C1orf141: variants seen among roughly 807,000 people sequenced by gnomAD.
C1orf141 encodes chromosome 1 open reading frame 141.
A neutral mutation model predicts 23.2 loss-of-function variants in C1orf141; 19 were observed. The ratio of observed to expected loss-of-function variants is 0.82; its 90% confidence interval spans 0.57 to 1.20. The LOEUF is 1.20. Ranked by LOEUF, C1orf141 falls within the 50% of genes most tolerant of loss-of-function variation. The pLI is 0.00. For synonymous variants in C1orf141, 153 were observed against 154.6 expected, an observed-to-expected ratio of 0.99 and a Z score of 0.08; for missense variants, 469 against 455.1, an observed-to-expected ratio of 1.03 and a Z score of -0.28.
chr1:67,108,251 G>A (rs1645978473), intron 5 of C1orf141, among the ~76,000 whole-genome samples: 1 of 152,126 alleles, frequency 6.6e-6, no homozygotes, highest in African/African-American at 2.4e-5. Context: ...AGCAGATTTA[G>A]TGTTTAGTAA....
At chr1:67,095,699 G>A in intron 6 of C1orf141, 1 of 282,838 alleles carries the variant, frequency 3.5e-6, no homozygotes, top group Non-Finnish European at 6.5e-6. Flanking sequence ...ACCAAAGGTA[G>A]AGAGGTATTT....
chr1:67,101,827 T>C (rs1033539644), intron 5 of C1orf141, among the ~76,000 whole-genome samples: 5 of 152,102 alleles, frequency 3.3e-5, no homozygotes, highest in South Asian at 2.1e-4. Flanking sequence ...CTTAAGAACT[T>C]TTCTAAAGGG....
Position 67,093,112 on chromosome 1 carries a change from G to C in C1orf141, c.1096C>G (p.Pro366Ala), listed in dbSNP as rs775520862. ...PTSIPTSSAL[P>A]VKCYSKPFKY... ...AAAGGCTTTGAGTAACATTTGACAG[G>C]TAAGGCACTGGATGTGGGTATGCTC... is the stretch of plus-strand genomic sequence containing the variant. Residue 366 changes from proline (P) to alanine (A), a missense_variant, in exon 8 of 8, where the codon CCT becomes GCT. Transcript: ENST00000684719. 6.2e-7 allele frequency: 1 copy of C among 1,613,796 alleles called. No homozygotes were observed. Among genetic ancestry groups the C allele is most frequent in the Non-Finnish European group, 8.5e-7 (1 of 1,179,750 alleles).
At chr1:67,115,526 AAAAT>A (rs1646176429) in intron 4 of C1orf141, 62 bp from the exon 5 acceptor site, 4 of 704,818 alleles carry the variant, frequency 5.7e-6, no homozygotes, top group Non-Finnish European at 9.3e-6. Flanking sequence ...ATAAATCTAA[AAAAT>A]AAATTTGGAG....
intron 2 of C1orf141, among the ~76,000 whole-genome samples, chr1:67,128,475 G>T (rs1363195236): frequency 6.6e-6 from 1 of 151,902 alleles, no homozygotes; most frequent in Non-Finnish European, 1.5e-5. Flanking sequence ...AGGCCGAGGC[G>T]GGCAGATCAC....
intron 4 of C1orf141, among the ~76,000 whole-genome samples, chr1:67,125,059 A>C (rs547307376): frequency 6.6e-6 from 1 of 152,348 alleles, no homozygotes; most frequent in South Asian, 2.1e-4. Context: ...TGAAAGACCA[A>C]GTATGACATA....
intron 7 of C1orf141, 179 bp from the exon 8 acceptor site, chr1:67,093,783 A>G: frequency 2.5e-6 from 1 of 402,290 alleles, no homozygotes; most frequent in South Asian, 7.5e-5. Flanking sequence ...TGTAACATAC[A>G]TCCTTCTTAT....
intron 2 of C1orf141, 152 bp from the exon 3 acceptor site, chr1:67,127,409 T>C (rs921014125): frequency 1.8e-6 from 1 of 559,800 alleles, no homozygotes; most frequent in Admixed American, 3.5e-5. Flanking sequence ...ATTGTAAATG[T>C]ACCCAAGTTT....
intron 4 of C1orf141, among the ~76,000 whole-genome samples, chr1:67,124,831 G>A (rs1204945372): frequency 6.6e-6 from 1 of 151,450 alleles, no homozygotes; most frequent in African/African-American, 2.4e-5. Flanking sequence ...TGGCAACTGG[G>A]TGCACAGTAG....
chr1:67,119,143 A>T (rs942892981), intron 4 of C1orf141, among the ~76,000 whole-genome samples: 2 of 152,230 alleles, frequency 1.3e-5, no homozygotes, highest in African/African-American at 2.4e-5. Context: ...TGAGGGCTTA[A>T]AAAGAAAAGA....
intron 4 of C1orf141, chr1:67,121,505 G>A (rs931026906): frequency 6.6e-6 from 1 of 152,168 alleles, no homozygotes; most frequent in Non-Finnish European, 1.5e-5. Flanking sequence ...GAGATGTGTA[G>A]TAGCATACTG....
At position 67,118,138 on chromosome 1, in the gene C1orf141, G is replaced by A. The variant is rs867085120; in HGVS notation, c.234-2674C>T. The stretch of plus-strand genomic sequence containing the variant: ...ATTTTGTTAAAATAAGTTGTTGAGT[G>A]GCAATTATTCCGTTGCCTTAGAATT... On this transcript the variant is annotated intron_variant, in intron 4 of 7. Coordinates refer to ENST00000684719, the MANE Select transcript of C1orf141 (RefSeq NM_001276351.2). 1.3e-4 allele frequency among the ~76,000 whole-genome samples: 20 copies of A among 152,208 alleles called. 1 individual carries two copies. In the South Asian group the frequency reaches 4.2e-3, roughly 32 times the overall value.
At chr1:67,127,067 AT>A in intron 3 of C1orf141, 98 bp downstream of exon 3, 1 of 713,620 alleles carries the variant, frequency 1.4e-6, no homozygotes, top group South Asian at 2.4e-5. Flanking sequence ...ATTAGTTTAT[AT>A]CATATTAATG....
Position 67,092,976 on chromosome 1 carries a change from T to C in C1orf141, c.*29A>G. On this transcript the variant is annotated 3_prime_UTR_variant, in exon 8 of 8. Transcript: ENST00000684719. ...TGGAACTTGGATATTTGCTTCTTGT[T>C]ACTCAAATATTGCTGCATACATAAT... 1 of 1,505,208 alleles carries C rather than the reference T, an allele frequency of 6.6e-7. No individual in the cohort carries two copies. Among genetic ancestry groups the C allele is most frequent in the South Asian group, 1.3e-5 (1 of 79,046 alleles). The allele number at this position is 1,505,208 out of a possible 1,614,324, so 93.2% of individuals were successfully genotyped here.
At chr1:67,106,722 T>G (rs1645936804) in intron 5 of C1orf141, among the ~76,000 whole-genome samples, 1 of 151,892 alleles carries the variant, frequency 6.6e-6, no homozygotes, top group Admixed American at 6.6e-5. Flanking sequence ...AAAAGTAAAA[T>G]ATGTTCAAAG....
intron 5 of C1orf141, among the ~76,000 whole-genome samples, chr1:67,101,741 T>C (rs1451917428): frequency 1.3e-5 from 2 of 152,134 alleles, no homozygotes; most frequent in Non-Finnish European, 2.9e-5. Flanking sequence ...ACTGAACTTG[T>C]ATTTATGTTG....
At position 67,096,267 on chromosome 1, in the gene C1orf141, C is replaced by A. The variant is rs1645677992; in HGVS notation, c.401G>T (p.Gly134Val). 2 of 1,498,226 alleles carry A rather than the reference C, an allele frequency of 1.3e-6. No individual in the cohort carries two copies. The highest frequency in any genetic ancestry group is 9.1e-7 in the Non-Finnish European group (1 of 1,098,032). 92.8% of individuals were successfully genotyped at this position (1,498,226 alleles called of 1,614,324 possible). Residue 134 changes from glycine to valine, a missense_variant, in exon 6 of 8, where the codon GGT (glycine) becomes GTT (valine). Gly to Val is a moderately radical substitution (Grantham distance 109). Coordinates refer to ENST00000684719, the MANE Select transcript of C1orf141 (RefSeq NM_001276351.2). ...KPLDSVGLLEGDRNKRKKSPQ... is the reference protein window; with the variant it reads ...KPLDSVGLLEVDRNKRKKSPQ... ...AATAAATTACCTTTTATTTCTATCACCTTCTAAGAGACCAACAGAATCCAA... is the reference window on the plus strand; with the variant it reads ...AATAAATTACCTTTTATTTCTATCAACTTCTAAGAGACCAACAGAATCCAA...
Position 67,095,233 on chromosome 1 carries a change from AC to A in C1orf141, c.603+1del. The A allele has an allele frequency of 1.3e-6, 2 of 1,514,758 alleles. No homozygotes were observed. Among genetic ancestry groups the A allele is most frequent in the Non-Finnish European group, 1.8e-6 (2 of 1,106,636 alleles). 93.8% of individuals were successfully genotyped at this position (1,514,758 alleles called of 1,614,324 possible). A position where few individuals can be genotyped will look rare whatever the true frequency, so the allele number is the denominator to read the frequency against. On this transcript the variant is annotated splice_donor_variant, in intron 7 of 7. Transcript: ENST00000684719. LOFTEE classifies it high-confidence loss of function. ...CTTAACAATAGATGATATGCTTATTACCATGTGAGAAGTTACTGTCTTTGTT... is the reference window on the plus strand; with the variant it reads ...CTTAACAATAGATGATATGCTTATTACATGTGAGAAGTTACTGTCTTTGTT...
At chr1:67,122,608 T>G (rs549212734) in intron 4 of C1orf141, 8 of 152,172 alleles carry the variant, frequency 5.3e-5, no homozygotes, top group Non-Finnish European at 8.8e-5. Flanking sequence ...TTTGACTGCT[T>G]CCTCAAATTT....
Sources: allele counts gnomAD v4.1 joint callset (sites outside exome capture counted in the v4.1 genomes callset), GRCh38; gene constraint gnomAD v4.1.1; transcripts MANE v1.5; gene names NCBI Gene and HGNC (gene_info 2026-07-23, HGNC 2026-07-21).